USP30: variants seen among roughly 807,000 people sequenced by gnomAD.
The protein encoded by USP30 is ubiquitin specific peptidase 30, also known as ubiquitin carboxyl-terminal hydrolase 30.
USP30 carries 41 observed loss-of-function variants against 68.2 expected under a neutral mutation model. The ratio of observed to expected loss-of-function variants is 0.60; its 90% CI spans 0.47 to 0.78. The LOEUF (loss-of-function observed/expected upper bound fraction) is 0.78. Ranked by LOEUF, USP30 falls within the 30% of genes least tolerant of loss-of-function variation. The pLI is 0.00. For missense variants in USP30, 522 were observed against 649.4 expected, an observed-to-expected ratio of 0.80 and a Z score of 2.13; for synonymous variants, 229 against 253.7, an observed-to-expected ratio of 0.90 and a Z score of 0.93.
At chr12:109,054,141 A>G (rs1001812646) in intron 1 of USP30, 31 of 444,702 alleles carry the variant, frequency 7.0e-5, no homozygotes, top group South Asian at 4.9e-4. Flanking sequence ...TAGCACTTCC[A>G]TGACAGTCCT....
At chr12:109,075,789 T>C (rs932774585) in intron 7 of USP30, among the ~76,000 whole-genome samples, 2 of 152,162 alleles carry the variant, frequency 1.3e-5, no homozygotes, top group Admixed American at 1.3e-4. Context: ...GTCTTTTTTT[T>C]GCAAAGTGTC....
At position 109,088,012 on chromosome 12, in the gene USP30, GT is replaced by G; in HGVS notation, c.*2083del. The G allele has an allele frequency of 2.0e-6, 1 of 494,378 alleles. No individual in the cohort carries two copies. The allele number at this position is 494,378 out of a possible 1,614,324, so 30.6% of individuals were successfully genotyped here. A position where few individuals can be genotyped will look rare whatever the true frequency, so the allele number is the denominator to read the frequency against. On this transcript the variant is annotated 3_prime_UTR_variant, in exon 13 of 13. Transcript: ENST00000257548. This position sits in a 1 kb window ranked among gnomAD's most constrained non-coding sequence, Gnocchi z 4.2. ...ATTATAGCAATAAAATAATCATTTTGTTAGAAAAAAATCACCTGGTGTTCTT... is the reference window on the plus strand; with the variant it reads ...ATTATAGCAATAAAATAATCATTTTGTAGAAAAAAATCACCTGGTGTTCTT...
intron 3 of USP30, among the ~76,000 whole-genome samples, chr12:109,042,565 G>C (rs964721757): frequency 6.6e-6 from 1 of 152,086 alleles, no homozygotes; most frequent in Non-Finnish European, 1.5e-5. Context: ...GTACTCTCCT[G>C]TGTGGGTATA....
intron 3 of USP30, among the ~76,000 whole-genome samples, chr12:109,042,907 A>G (rs2040574761): frequency 6.6e-6 from 1 of 152,220 alleles, no homozygotes; most frequent in Non-Finnish European, 1.5e-5. Flanking sequence ...GCAAAGTAGC[A>G]GGATACAAAG....
upstream of USP30, among the ~76,000 whole-genome samples, chr12:109,051,579 T>TTC (rs1280901238): frequency 6.9e-6 from 1 of 144,376 alleles, no homozygotes; most frequent in Non-Finnish European, 1.5e-5. Flanking sequence ...CCTCTTTTTT[T>TTC]TTTTTTTTGA....
intron 3 of USP30, among the ~76,000 whole-genome samples, chr12:109,041,267 A>T (rs2040562609): frequency 6.6e-6 from 1 of 152,112 alleles, no homozygotes; most frequent in Non-Finnish European, 1.5e-5. Flanking sequence ...CCCATAAATT[A>T]ACAACAAATA....
Position 109,087,199 on chromosome 12 carries a change from C to T in USP30, c.*1268C>T, listed in dbSNP as rs1274667432. ...GACACAGTAGTACCTATGTTTTAAG[C>T]TATATTTTTAATTTAGAAAAATGGA... On this transcript the variant is annotated 3_prime_UTR_variant, in exon 13 of 13. Transcript: ENST00000257548. 2 of 152,098 alleles carry T rather than the reference C, an allele frequency of 1.3e-5. No homozygotes were observed. Among genetic ancestry groups the T allele is most frequent in the Non-Finnish European group, 2.9e-5 (2 of 68,020 alleles). 9.4% of individuals were successfully genotyped at this position (152,098 alleles called of 1,614,324 possible).
upstream of USP30, among the ~76,000 whole-genome samples, chr12:109,050,494 G>T (rs1199055746): frequency 6.6e-6 from 1 of 152,076 alleles, no homozygotes. Context: ...CTTTTGTTTT[G>T]TTTCTGTAGT....
At chr12:109,078,953 C>A (rs1333411536) in intron 7 of USP30, among the ~76,000 whole-genome samples, 1 of 152,124 alleles carries the variant, frequency 6.6e-6, no homozygotes, top group Non-Finnish European at 1.5e-5. Context: ...CAGTTAGTGT[C>A]ATTTATATCA....
chr12:109,055,638 C>G (rs1449706139), intron 1 of USP30, among the ~76,000 whole-genome samples: 2 of 148,052 alleles, frequency 1.4e-5, no homozygotes, highest in East Asian at 4.0e-4. Flanking sequence ...CTCAGGTGAT[C>G]CGCCCACCTC....
chr12:109,041,846 T>A (rs866769826), intron 3 of USP30, among the ~76,000 whole-genome samples: 6 of 151,992 alleles, frequency 3.9e-5, no homozygotes, highest in South Asian at 2.1e-4. Context: ...GGTTTTAGGA[T>A]CCCTCTGTCA....
At chr12:109,064,976 A>G (rs928950364) in intron 3 of USP30, among the ~76,000 whole-genome samples, 6 of 152,212 alleles carry the variant, frequency 3.9e-5, no homozygotes. Context: ...GGCTAGCCCC[A>G]GGGTATATAC....
chr12:109,065,941 G>C (rs1385187211), intron 3 of USP30, among the ~76,000 whole-genome samples: 1 of 152,152 alleles, frequency 6.6e-6, no homozygotes, highest in East Asian at 1.9e-4. Flanking sequence ...TTGCAACAGA[G>C]ACCATGTGGT....
chr12:109,072,146 G>A (rs2041462377), intron 5 of USP30, among the ~76,000 whole-genome samples, 159 bp from the exon 6 acceptor site: 1 of 152,148 alleles, frequency 6.6e-6, no homozygotes, highest in Non-Finnish European at 1.5e-5. Context: ...CAGCCAGATA[G>A]GCTAATTGAG....
chr12:109,081,727 C>T (rs2041809091), intron 8 of USP30: 1 of 617,582 alleles, frequency 1.6e-6, no homozygotes, highest in Admixed American at 2.9e-5. Flanking sequence ...CGTGCAGTTA[C>T]ATCCTCATGC....
chr12:109,038,678 T>C (rs2040540011), intron 3 of USP30, among the ~76,000 whole-genome samples: 1 of 152,234 alleles, frequency 6.6e-6, no homozygotes, highest in Non-Finnish European at 1.5e-5. Flanking sequence ...TATGTTTCTC[T>C]TTATATGAAT....
At chr12:109,038,073 T>C (rs1593222739) in intron 3 of USP30, among the ~76,000 whole-genome samples, 2 of 152,078 alleles carry the variant, frequency 1.3e-5, no homozygotes, top group South Asian at 4.1e-4. Context: ...GTTACATAGG[T>C]AAGTGTGCCA....
At chr12:109,077,540 T>C (rs2041647556) in intron 7 of USP30, among the ~76,000 whole-genome samples, 1 of 152,204 alleles carries the variant, frequency 6.6e-6, no homozygotes, top group Non-Finnish European at 1.5e-5. Flanking sequence ...TTTTCGGCCT[T>C]TGTATTTAAA....
chr12:109,079,591 C>T (rs936334836), intron 7 of USP30, among the ~76,000 whole-genome samples: 1 of 151,774 alleles, frequency 6.6e-6, no homozygotes, highest in Non-Finnish European at 1.5e-5. Flanking sequence ...GTCCTGAACT[C>T]CTGGGCTCAA....
Sources: allele counts gnomAD v4.1 joint callset (sites outside exome capture counted in the v4.1 genomes callset), GRCh38; gene constraint gnomAD v4.1.1; non-coding constraint Gnocchi (gnomAD v3.1); transcripts MANE v1.5; gene names NCBI Gene and HGNC (gene_info 2026-07-23, HGNC 2026-07-21).